TOMM40: variants seen among roughly 807,000 people sequenced by gnomAD.
The protein encoded by TOMM40 is mitochondrial import receptor subunit TOM40 homolog.
Under a neutral mutation model 38.4 loss-of-function variants are expected in TOMM40, and 9 were observed. The observed-to-expected ratio is 0.23, with a 90% CI of 0.14 to 0.41. The LOEUF is 0.41. Among genes scored for constraint, TOMM40 ranks in the 10% least tolerant of loss-of-function variants. TOMM40 has a pLI of 1.00. For synonymous variants in TOMM40, 184 were observed against 210.0 expected (o/e 0.88, Z 1.07); for missense variants, 299 against 486.5 (o/e 0.61, Z 3.63).
chr19:44,897,903 G>A (rs887504908), intron 5 of TOMM40, among the ~76,000 whole-genome samples: 12 of 152,026 alleles, frequency 7.9e-5, no homozygotes, highest in Non-Finnish European at 1.2e-4. Flanking sequence ...GATTACAGGC[G>A]TGAGCTACTG....
At chr19:44,901,178 AAT>A in intron 7 of TOMM40, 28 bp from the exon 8 acceptor site, 1 of 1,613,844 alleles carries the variant, frequency 6.2e-7, no homozygotes, top group South Asian at 1.1e-5. Flanking sequence ...GCCACTTGCT[AAT>A]TCTCATGTGT....
intron 5 of TOMM40, among the ~76,000 whole-genome samples, chr19:44,897,790 A>G (rs1000855968): frequency 3.1e-4 from 45 of 146,376 alleles, no homozygotes; most frequent in East Asian, 1.0e-3. Flanking sequence ...AAAAAAAAAA[A>G]AGAGAGAGAG....
chr19:44,892,500 C>A, intron 2 of TOMM40, 40 bp downstream of exon 2: 2 of 1,582,166 alleles, frequency 1.3e-6, no homozygotes, highest in South Asian at 2.2e-5. Context: ...GAGATCGTCC[C>A]CGCCGTCCCC....
intron 8 of TOMM40, 40 bp downstream of exon 8, chr19:44,901,350 G>A: frequency 6.3e-7 from 1 of 1,590,202 alleles, no homozygotes; most frequent in Non-Finnish European, 8.6e-7. Context: ...ACAGGCAGGA[G>A]GTGACTCAAC....
In TOMM40 at chr19:44,892,691, CG is replaced by C. The variant is rs570334939; in HGVS notation, c.343-144del. ...TGAAGGAACAGGTCTGTGGGCCTAC[CG>C]GCAGCACCTCCTTTCTCTGAGTCTC... On this transcript the variant is annotated intron_variant, in intron 2 of 8. Transcript: ENST00000426677. 381 of 781,480 alleles carry C rather than the reference CG, an allele frequency of 4.9e-4. 2 individuals carry two copies. In the Admixed American group the frequency reaches 7.1e-3, roughly 15 times the overall value. 48.4% of individuals were successfully genotyped at this position (781,480 alleles called of 1,614,324 possible).
At chr19:44,895,061 C>T (rs1000280246) in intron 5 of TOMM40, among the ~76,000 whole-genome samples, 4 of 152,096 alleles carry the variant, frequency 2.6e-5, no homozygotes, top group African/African-American at 4.8e-5. Context: ...GATGGAGTTT[C>T]GGATTGCCAG....
At chr19:44,898,525 C>CTTTTTTT (rs71173106) in intron 5 of TOMM40, among the ~76,000 whole-genome samples, 121 of 89,008 alleles carry the variant, frequency 1.4e-3, no homozygotes, top group South Asian at 1.7e-3. Flanking sequence ...TTTTTTTTTT[C>CTTTTTTT]TTTTTTTTTT....
chr19:44,903,098 C>T lies in TOMM40; in HGVS notation c.1015C>T (p.Leu339=). The change falls in exon 9 of 9, where the codon CTG becomes TTG. Residue 339 remains leucine (L), a synonymous_variant. Transcript: ENST00000426677. ...EKKLPPLPLT[L]ALGAFLNHRK... ...GAAGCTCCCACCCCTGCCCCTGACACTGGCCCTTGGGGCCTTCCTGAATCA... is the reference window on the plus strand; with the variant it reads ...GAAGCTCCCACCCCTGCCCCTGACATTGGCCCTTGGGGCCTTCCTGAATCA... The T allele has an allele frequency of 1.2e-6, 2 of 1,612,758 alleles. No individual in the cohort carries two copies. Among genetic ancestry groups the T allele is most frequent in the Non-Finnish European group, 1.7e-6 (2 of 1,180,004 alleles).
intron 5 of TOMM40, among the ~76,000 whole-genome samples, chr19:44,897,231 G>T (rs557614562): frequency 6.6e-6 from 1 of 152,104 alleles, no homozygotes; most frequent in East Asian, 1.9e-4. Context: ...AGAAACTGGG[G>T]GGGTGGCCCA....
chr19:44,899,456 C>A (rs528503329), intron 5 of TOMM40, among the ~76,000 whole-genome samples: 7 of 152,210 alleles, frequency 4.6e-5, no homozygotes, highest in African/African-American at 1.4e-4. Context: ...ACGTCCACCC[C>A]CTTAGTACCT....
At chr19:44,893,028 A>G in intron 3 of TOMM40, 99 bp downstream of exon 3, 1 of 955,398 alleles carries the variant, frequency 1.0e-6, no homozygotes. Context: ...GGTCACAGCT[A>G]CCGAGAGCCT....
chr19:44,895,208 C>G lies in TOMM40; in HGVS notation c.643+1142C>G, dbSNP rs192030384. Among the ~76,000 whole-genome samples the G allele has an allele frequency of 4.6e-3, 699 of 152,164 alleles. 1 individual carries two copies. Among genetic ancestry groups the G allele is most frequent in the African/African-American group, 0.016 (653 of 41,520 alleles). ...ACCCCTGGGAGTGCCTAGGGAGAGT[C>G]ACCACTTCTCGCTGCAGGAGCCCAG... On this transcript the variant is annotated intron_variant, in intron 5 of 8. Coordinates refer to ENST00000426677, the MANE Select transcript of TOMM40 (RefSeq NM_001128917.2).
At position 44,900,801 on chromosome 19, in the gene TOMM40, C is replaced by T. The variant is rs142412517; in HGVS notation, c.715C>T (p.Arg239Trp). 1,894 of 1,613,932 alleles carry T rather than the reference C, an allele frequency of 1.2e-3. 1 individual carries two copies. The highest frequency in any genetic ancestry group is 1.5e-3 in the Non-Finnish European group (1,769 of 1,179,998). Residue 239 changes from arginine (R) to tryptophan (W), a missense_variant, in exon 6 of 9, where the codon CGG (arginine) becomes TGG (tryptophan). Arg to Trp is a moderately radical substitution (Grantham distance 101). Transcript: ENST00000426677. ...LALGGELVYHRRPGEEGTVMS... is the reference protein window; with the variant it reads ...LALGGELVYHWRPGEEGTVMS... ...CCTGGGTGGAGAGCTGGTCTACCAC[C>T]GGCGGCCTGGAGAGGAGGGCACTGT...
At chr19:44,892,255 T>C in intron 1 of TOMM40, 138 bp from the exon 2 acceptor site, 1 of 858,382 alleles carries the variant, frequency 1.2e-6, no homozygotes, top group East Asian at 2.4e-5. Context: ...AACTAGGCTG[T>C]ACTGCCTCTT....
intron 1 of TOMM40, 116 bp downstream of exon 1, chr19:44,891,805 G>T (rs1969472318): frequency 8.9e-7 from 1 of 1,127,520 alleles, no homozygotes; most frequent in Non-Finnish European, 1.2e-6. Context: ...ACAGCACTAG[G>T]AGGTGATGTT....
chr19:44,898,959 C>T (rs1025664158), intron 5 of TOMM40, among the ~76,000 whole-genome samples: 14 of 151,486 alleles, frequency 9.2e-5, no homozygotes, highest in African/African-American at 2.9e-4. Flanking sequence ...GGTGAAACCC[C>T]TTCTCTACTA....
At chr19:44,891,782 T>C (rs1051240354) in intron 1 of TOMM40, 93 bp downstream of exon 1, 5 of 1,262,934 alleles carry the variant, frequency 4.0e-6, no homozygotes, top group Non-Finnish European at 5.1e-6. Context: ...GCGCGCACCA[T>C]TGGAATTATT....
intron 1 of TOMM40, 115 bp from the exon 2 acceptor site, chr19:44,892,278 C>A: frequency 9.7e-7 from 1 of 1,026,376 alleles, no homozygotes; most frequent in African/African-American, 1.6e-5. Context: ...CAGGTGGAAT[C>A]CTTTGTGAGA....
Position 44,893,999 on chromosome 19 carries a change from G to T in TOMM40, c.576G>T (p.Gly192=). Residue 192 remains glycine, a synonymous_variant, in exon 5 of 9, where the codon GGG becomes GGT. Transcript: ENST00000426677. ...AGTTTGTGAACTGGCAGGTGGACGGGGAGTATCGGGGCTCTGACTTCACAG... is the reference window on the plus strand; with the variant it reads ...AGTTTGTGAACTGGCAGGTGGACGGTGAGTATCGGGGCTCTGACTTCACAG... ...QSKFVNWQVD[G]EYRGSDFTAA... The T allele has an allele frequency of 6.4e-7, 1 of 1,550,692 alleles. No individual in the cohort carries two copies. Among genetic ancestry groups the T allele is most frequent in the Non-Finnish European group, 8.7e-7 (1 of 1,145,460 alleles).
Sources: gnomAD v4.1 joint callset for allele counts (sites outside exome capture counted in the v4.1 genomes callset) on GRCh38, gnomAD v4.1.1 for gene constraint, MANE v1.5 for transcripts, NCBI Gene and HGNC (gene_info 2026-07-23, HGNC 2026-07-21) for gene names.